Variants in NDUFA11 observed in about 807,000 individuals in gnomAD.
NDUFA11 encodes NADH:ubiquinone oxidoreductase subunit A11.
NDUFA11 carries 14 observed loss-of-function variants against 11.3 expected under a neutral mutation model. The ratio of observed to expected loss-of-function variants is 1.24; its 90% CI spans 0.82 to 1.94. NDUFA11 has a LOEUF of 1.94. Among genes scored for constraint, NDUFA11 ranks in the 30% most tolerant of loss-of-function variants. The pLI is 0.00. For missense variants in NDUFA11, 204 were observed against 200.3 expected, an observed-to-expected ratio of 1.02 and a Z score of -0.11; for synonymous variants, 87 against 85.6, an observed-to-expected ratio of 1.02 and a Z score of -0.09.
At chr19:5,900,910 C>CAA (rs1305134254) in intron 1 of NDUFA11, among the ~76,000 whole-genome samples, 6 of 51,542 alleles carry the variant, frequency 1.2e-4, no homozygotes, top group South Asian at 6.6e-4. Context: ...GACTCCGTCT[C>CAA]AAAAAAAAAA....
intron 1 of NDUFA11, among the ~76,000 whole-genome samples, chr19:5,899,629 A>G (rs578128720): frequency 1.3e-3 from 92 of 72,178 alleles, no homozygotes; most frequent in African/African-American, 4.7e-3. Flanking sequence ...TATTATTATT[A>G]TTATTTTTTG....
intron 1 of NDUFA11, among the ~76,000 whole-genome samples, chr19:5,898,822 C>A (rs985634797): frequency 2.0e-5 from 3 of 149,802 alleles, no homozygotes; most frequent in Non-Finnish European, 4.4e-5. Flanking sequence ...TGCAGTGAGC[C>A]AAGATTGCGC....
downstream of NDUFA11, chr19:5,891,492 G>C (rs1211751524): frequency 6.6e-6 from 1 of 152,204 alleles, no homozygotes; most frequent in Non-Finnish European, 1.5e-5. Flanking sequence ...CTGACCTCAA[G>C]TGATCCCCCA....
intron 1 of NDUFA11, chr19:5,901,290 G>A (rs1391434791): frequency 7.9e-7 from 1 of 1,264,106 alleles, no homozygotes; most frequent in Admixed American, 2.4e-5. Context: ...CTATCCCCTG[G>A]GTGGCCCCCT....
intron 1 of NDUFA11, among the ~76,000 whole-genome samples, chr19:5,899,062 T>TGC (rs1475972805): frequency 4.0e-5 from 6 of 149,880 alleles, no homozygotes; most frequent in Non-Finnish European, 7.4e-5. Flanking sequence ...CTTCAGTCAG[T>TGC]GCACACACAC....
chr19:5,902,011 T>C (rs552390118), intron 1 of NDUFA11, among the ~76,000 whole-genome samples: 1 of 151,990 alleles, frequency 6.6e-6, no homozygotes, highest in Non-Finnish European at 1.5e-5. Context: ...CGTCTCACTC[T>C]GTCGCCCAGG....
At chr19:5,898,126 G>A (rs2057622232) in intron 1 of NDUFA11, among the ~76,000 whole-genome samples, 1 of 152,198 alleles carries the variant, frequency 6.6e-6, no homozygotes. Flanking sequence ...CTTCACGGGA[G>A]GTGAAGGGAC....
At chr19:5,902,602 C>G (rs2057652732) in intron 1 of NDUFA11, 2 of 152,350 alleles carry the variant, frequency 1.3e-5, no homozygotes, top group Admixed American at 6.5e-5. Flanking sequence ...AAGAGGACTT[C>G]CAGCTCCATC....
At chr19:5,893,334 G>A (rs991510044), downstream of NDUFA11, 6 of 804,276 alleles carry the variant, frequency 7.5e-6, no homozygotes, top group South Asian at 8.3e-5. This position sits in a 1 kb window ranked among gnomAD's most constrained non-coding sequence, Gnocchi z 4.1. Context: ...CTGTAGTGGT[G>A]CACACCTGCA....
At chr19:5,893,018 C>T (rs112416531), downstream of NDUFA11, 86 of 1,534,264 alleles carry the variant, frequency 5.6e-5, no homozygotes, top group South Asian at 5.2e-4. This position sits in a 1 kb window ranked among gnomAD's most constrained non-coding sequence, Gnocchi z 4.1. Flanking sequence ...TGGGTGTGTC[C>T]GCCCTTTCTC....
chr19:5,891,528 T>A (rs1328423825), downstream of NDUFA11: 1 of 152,230 alleles, frequency 6.6e-6, no homozygotes, highest in Non-Finnish European at 1.5e-5. Context: ...AGTACTGGGA[T>A]TACAGGCCTG....
At chr19:5,903,010 CA>C (rs545310981) in intron 1 of NDUFA11, among the ~76,000 whole-genome samples, 23 of 103,950 alleles carry the variant, frequency 2.2e-4, no homozygotes, top group East Asian at 8.5e-4. Context: ...GGCTCTGTCT[CA>C]AAAAAAAAAA....
At chr19:5,894,969 T>A in intron 3 of NDUFA11, 115 bp from the exon 4 acceptor site, 1 of 1,172,258 alleles carries the variant, frequency 8.5e-7, no homozygotes, top group Non-Finnish European at 1.2e-6. Flanking sequence ...GACAGGACAC[T>A]CTCTTCAGGG....
At chr19:5,897,805 G>A (rs1428345693) in intron 1 of NDUFA11, among the ~76,000 whole-genome samples, 2 of 152,246 alleles carry the variant, frequency 1.3e-5, no homozygotes, top group South Asian at 2.1e-4. Flanking sequence ...CCTGCTGGGT[G>A]CCTAGGGGCG....
At position 5,896,275 on chromosome 19, in the gene NDUFA11, G is replaced by T. The variant is rs1046519920; in HGVS notation, c.313+178C>A. Reference sequence around the variant, plus strand: ...GAGGGGACAGGGCAGGTCAGGGAGGGCCACAGTAGGTGCTTAAGCAGCAGC... The same window carrying T: ...GAGGGGACAGGGCAGGTCAGGGAGGTCCACAGTAGGTGCTTAAGCAGCAGC... On this transcript the variant is annotated intron_variant, in intron 3 of 3. Coordinates refer to ENST00000308961, the MANE Select transcript of NDUFA11 (RefSeq NM_175614.5). This position sits in a 1 kb window ranked among gnomAD's most constrained non-coding sequence, Gnocchi z 5.8. 1.7e-5 allele frequency: 12 copies of T among 724,774 alleles called. No individual in the cohort carries two copies. Among genetic ancestry groups the T allele is most frequent in the Admixed American group, 2.6e-5 (1 of 38,076 alleles). 44.9% of individuals were successfully genotyped at this position (724,774 alleles called of 1,614,324 possible).
Position 5,894,705 on chromosome 19 carries a change from G to T in NDUFA11, c.*37C>A. The T allele has an allele frequency of 1.9e-6, 3 of 1,605,516 alleles. No individual in the cohort carries two copies. Among genetic ancestry groups the T allele is most frequent in the Non-Finnish European group, 2.6e-6 (3 of 1,176,134 alleles). ...ACAGACACAGAATTTATTTCTGGAC[G>T]CATTCTGCAGGCTGGAGGTCCCGGC... On this transcript the variant is annotated 3_prime_UTR_variant, in exon 4 of 4. Transcript: ENST00000308961.
chr19:5,901,218 T>C (rs2057643405), intron 1 of NDUFA11: 1 of 981,332 alleles, frequency 1.0e-6, no homozygotes, highest in Non-Finnish European at 1.3e-6. Context: ...TATTCACACA[T>C]GAGGAATGCA....
At chr19:5,892,922 T>G (rs1191470284), downstream of NDUFA11, 1 of 1,441,868 alleles carries the variant, frequency 6.9e-7, no homozygotes, top group Non-Finnish European at 9.1e-7. Context: ...AAGAATCAAG[T>G]TCTGGGGTTC....
intron 1 of NDUFA11, among the ~76,000 whole-genome samples, chr19:5,900,181 G>A (rs969592735): frequency 5.3e-5 from 8 of 151,956 alleles, no homozygotes; most frequent in Non-Finnish European, 8.8e-5. Context: ...AGCCCCCAGC[G>A]CCCTTCAAAA....
Sources: gnomAD v4.1 joint callset for allele counts (sites outside exome capture counted in the v4.1 genomes callset) on GRCh38, gnomAD v4.1.1 for gene constraint, Gnocchi (gnomAD v3.1) non-coding constraint, MANE v1.5 for transcripts, NCBI Gene and HGNC (gene_info 2026-07-23, HGNC 2026-07-21) for gene names.